The following TRPC4AP variants were observed in gnomAD, a reference collection of about 807,000 sequenced individuals.
The protein encoded by TRPC4AP is short transient receptor potential channel 4-associated protein.
Under a neutral mutation model 99.0 loss-of-function variants are expected in TRPC4AP, and 45 were observed. The ratio of observed to expected loss-of-function variants is 0.45; its 90% CI spans 0.36 to 0.58. The LOEUF (loss-of-function observed/expected upper bound fraction) is 0.58. TRPC4AP is among the 20% of genes least tolerant of loss of function. The pLI, the probability that TRPC4AP is intolerant of heterozygous loss-of-function variation, is 0.00. For missense variants in TRPC4AP, 879 were observed against 985.3 expected (o/e 0.89, Z 1.44); for synonymous variants, 408 against 385.8 (o/e 1.06, Z -0.67).
intron 1 of TRPC4AP, among the ~76,000 whole-genome samples, chr20:35,083,294 C>T (rs1373409631): frequency 6.6e-6 from 1 of 151,970 alleles, no homozygotes; most frequent in Non-Finnish European, 1.5e-5. Flanking sequence ...AAGACGGCTA[C>T]ATAGAAAACT....
Position 35,080,457 on chromosome 20 carries a change from C to A in TRPC4AP, c.169-2283G>T, listed in dbSNP as rs6579215. 1.7e-4 allele frequency among the ~76,000 whole-genome samples: 25 copies of A among 150,072 alleles called. 1 individual carries two copies. Among genetic ancestry groups the A allele is most frequent in the African/African-American group, 5.9e-4 (24 of 40,746 alleles). On this transcript the variant is annotated intron_variant, in intron 1 of 18. Coordinates refer to ENST00000252015, the MANE Select transcript of TRPC4AP (RefSeq NM_015638.3). ...CAGAGGTTGCAGTGAGCCAAGACTG[C>A]GCCACTGCACTTCAGCCTGGGCGAT... is the stretch of plus-strand genomic sequence containing the variant.
At chr20:35,013,997 C>T (rs2082694769) in intron 10 of TRPC4AP, among the ~76,000 whole-genome samples, 1 of 152,148 alleles carries the variant, frequency 6.6e-6, no homozygotes, top group Non-Finnish European at 1.5e-5. Context: ...GGGACAGCTG[C>T]CAGACAAAAG....
chr20:35,059,539 T>C (rs940518927), intron 3 of TRPC4AP, among the ~76,000 whole-genome samples: 1 of 152,106 alleles, frequency 6.6e-6, no homozygotes, highest in Non-Finnish European at 1.5e-5. Flanking sequence ...ACGCCTATAG[T>C]TCCAGCTACT....
intron 14 of TRPC4AP, 77 bp from the exon 15 acceptor site, chr20:35,006,652 A>G: frequency 6.5e-6 from 10 of 1,549,450 alleles, no homozygotes; most frequent in Non-Finnish European, 7.9e-6. Context: ...CAGACCATGC[A>G]TTGGCTTTGA....
At chr20:35,035,375 TAACA>T (rs1370014230) in intron 7 of TRPC4AP, 67 bp from the exon 8 acceptor site, 36 of 1,487,566 alleles carry the variant, frequency 2.4e-5, no homozygotes, top group Non-Finnish European at 1.1e-5. Flanking sequence ...CCTAAAGCCC[TAACA>T]AACAATCTGC....
At chr20:35,084,560 GCA>G (rs2084759597) in intron 1 of TRPC4AP, among the ~76,000 whole-genome samples, 2 of 131,480 alleles carry the variant, frequency 1.5e-5, no homozygotes, top group Admixed American at 7.8e-5. Flanking sequence ...ATGTTTATAT[GCA>G]TATATGTGTA....
chr20:35,072,533 T>C (rs1256099165), intron 2 of TRPC4AP, among the ~76,000 whole-genome samples: 1 of 152,252 alleles, frequency 6.6e-6, no homozygotes, highest in East Asian at 1.9e-4. Context: ...ATTTATTAAA[T>C]AGGGAATCCT....
chr20:35,068,312 T>C (rs925783333), intron 3 of TRPC4AP, among the ~76,000 whole-genome samples: 2 of 152,228 alleles, frequency 1.3e-5, no homozygotes, highest in African/African-American at 4.8e-5. Flanking sequence ...CCTGGGGATA[T>C]AAACTGACAA....
At chr20:35,006,801 T>C (rs1366607812) in intron 14 of TRPC4AP, among the ~76,000 whole-genome samples, 1 of 152,220 alleles carries the variant, frequency 6.6e-6, no homozygotes, top group Non-Finnish European at 1.5e-5. Flanking sequence ...ATCTCTCCCC[T>C]GCCCAGGGCG....
At chr20:35,069,491 T>C in intron 2 of TRPC4AP, 79 bp from the exon 3 acceptor site, 2 of 889,122 alleles carry the variant, frequency 2.2e-6, no homozygotes, top group Non-Finnish European at 3.7e-6. Flanking sequence ...GTTTGAGCTT[T>C]AGTCCCAACT....
intron 11 of TRPC4AP, among the ~76,000 whole-genome samples, chr20:35,011,626 T>C (rs962191969): frequency 4.7e-5 from 3 of 64,034 alleles, no homozygotes; most frequent in African/African-American, 6.7e-5. Context: ...CCTGTGACTG[T>C]GACCCACAAC....
At chr20:35,008,843 G>C in intron 12 of TRPC4AP, 96 bp from the exon 13 acceptor site, 1 of 1,157,630 alleles carries the variant, frequency 8.6e-7, no homozygotes, top group Non-Finnish European at 1.3e-6. Context: ...AAAAACCATG[G>C]GGACATTTCC....
chr20:35,003,296 G>A lies in TRPC4AP; in HGVS notation c.2257-13C>T, dbSNP rs1489567289. The A allele has an allele frequency of 6.2e-7, 1 of 1,612,518 alleles. No individual in the cohort carries two copies. The highest frequency in any genetic ancestry group is 1.7e-5 in the Admixed American group (1 of 59,948). On this transcript the variant is annotated splice_polypyrimidine_tract_variant and intron_variant, in intron 18 of 18. Transcript: ENST00000252015. The stretch of plus-strand genomic sequence containing the variant: ...TGATGCAGGAGCTCTGGGCAAAGAG[G>A]GAGGGGCTGGGGGGCGCCTGGAGGA...
chr20:35,024,123 ACACT>A (rs1402497024), intron 8 of TRPC4AP, among the ~76,000 whole-genome samples: 2 of 119,920 alleles, frequency 1.7e-5, no homozygotes, highest in East Asian at 2.7e-4. Flanking sequence ...GCGGACATGC[ACACT>A]CACTTTTTTT....
chr20:35,086,285 A>G (rs548981752), intron 1 of TRPC4AP, among the ~76,000 whole-genome samples: 1 of 152,112 alleles, frequency 6.6e-6, no homozygotes, highest in African/African-American at 2.4e-5. Flanking sequence ...AGGATAATAA[A>G]GATAAAATAC....
intron 2 of TRPC4AP, among the ~76,000 whole-genome samples, chr20:35,073,931 T>C (rs1397232273): frequency 1.3e-5 from 2 of 152,222 alleles, no homozygotes; most frequent in East Asian, 1.9e-4. Flanking sequence ...CTATTAATTA[T>C]TGCCTCAACT....
Position 35,044,709 on chromosome 20 carries a change from T to C in TRPC4AP, c.661A>G (p.Met221Val). The C allele has an allele frequency of 3.1e-6, 5 of 1,613,916 alleles. No individual in the cohort carries two copies. Among genetic ancestry groups the C allele is most frequent in the Non-Finnish European group, 2.5e-6 (3 of 1,179,846 alleles). ...IEDILGVKKEMIRLDEVPNLS... is the reference protein window; with the variant it reads ...IEDILGVKKEVIRLDEVPNLS... ...TTGGGGACTTCATCTAGTCGGATCATTTCCTACAGAAGACAAAAATGAAAC... is the reference window on the plus strand; with the variant it reads ...TTGGGGACTTCATCTAGTCGGATCACTTCCTACAGAAGACAAAAATGAAAC... The change falls in exon 7 of 19, where the codon ATG (methionine) becomes GTG (valine). Residue 221 changes from methionine (M) to valine (V), a missense_variant. By Grantham distance (21) the Met-to-Val change is conservative. Transcript: ENST00000252015.
chr20:35,049,901 CTGTT>C lies in TRPC4AP; in HGVS notation c.618_621del (p.Thr207GlnfsTer14). 1 of 1,613,940 alleles carries C rather than the reference CTGTT, an allele frequency of 6.2e-7. No individual in the cohort carries two copies. Among genetic ancestry groups the C allele is most frequent in the Non-Finnish European group, 8.5e-7 (1 of 1,179,940 alleles). On this transcript the variant is annotated frameshift_variant, in exon 6 of 19. Coordinates refer to ENST00000252015, the MANE Select transcript of TRPC4AP (RefSeq NM_015638.3). LOFTEE classifies it high-confidence loss of function. ...CCCAAAATATCTTCAATGAGGGTTG[CTGTT>C]TGTAAGAATGTCTTCTTACTTGTCA...
At chr20:35,038,206 G>T (rs2083366902) in intron 7 of TRPC4AP, among the ~76,000 whole-genome samples, 1 of 150,894 alleles carries the variant, frequency 6.6e-6, no homozygotes, top group Non-Finnish European at 1.5e-5. Context: ...CTTTAAGACG[G>T]CTAATTTTAT....
Sources: gnomAD v4.1 joint callset for allele counts (sites outside exome capture counted in the v4.1 genomes callset) on GRCh38, gnomAD v4.1.1 for gene constraint, MANE v1.5 for transcripts, NCBI Gene and HGNC (gene_info 2026-07-23, HGNC 2026-07-21) for gene names.